ANO6: variants seen among roughly 807,000 people sequenced by gnomAD.
ANO6 encodes the protein anoctamin 6.
In ANO6, 106 loss-of-function variants were observed where a neutral mutation model predicts 117.5. The ratio of observed to expected loss-of-function variants is 0.90; its 90% CI spans 0.77 to 1.06. ANO6 has a LOEUF of 1.06. Among genes scored for constraint, ANO6 ranks in the 50% least tolerant of loss-of-function variants. The pLI, the probability that ANO6 is intolerant of heterozygous loss-of-function variation, is 0.00. For synonymous variants in ANO6, 367 were observed against 385.1 expected, an observed-to-expected ratio of 0.95 and a Z score of 0.55; for missense variants, 955 against 1,121.1, an observed-to-expected ratio of 0.85 and a Z score of 2.12.
intron 2 of ANO6, among the ~76,000 whole-genome samples, chr12:45,326,079 C>CATT (rs1365615816): frequency 4.6e-5 from 7 of 152,152 alleles, no homozygotes; most frequent in African/African-American, 1.7e-4. Flanking sequence ...ATTTAATACT[C>CATT]ATTATGCTCA....
chr12:45,369,085 T>C (rs1372107605), intron 9 of ANO6, among the ~76,000 whole-genome samples: 2 of 152,208 alleles, frequency 1.3e-5, no homozygotes, highest in African/African-American at 4.8e-5. Flanking sequence ...TTTGAGAAAT[T>C]GTTTCACTAC....
At chr12:45,411,449 A>G (rs1050347245) in intron 16 of ANO6, among the ~76,000 whole-genome samples, 2 of 152,208 alleles carry the variant, frequency 1.3e-5, no homozygotes, top group African/African-American at 4.8e-5. Context: ...TGTGTGGGCA[A>G]CAGGAGAGTG....
chr12:45,258,192 C>T (rs1348364490), intron 1 of ANO6, among the ~76,000 whole-genome samples: 1 of 152,192 alleles, frequency 6.6e-6, no homozygotes, highest in Non-Finnish European at 1.5e-5. Flanking sequence ...TTGTGAATTA[C>T]TAAGAATTAT....
At chr12:45,240,353 T>A (rs907945344) in intron 1 of ANO6, among the ~76,000 whole-genome samples, 1 of 28,246 alleles carries the variant, frequency 3.5e-5, no homozygotes, top group Non-Finnish European at 6.3e-5. Context: ...AACCCCTGAT[T>A]TTTTTTTTTT....
intron 17 of ANO6, among the ~76,000 whole-genome samples, 176 bp from the exon 18 acceptor site, chr12:45,420,895 C>T (rs572402433): frequency 1.1e-4 from 17 of 152,154 alleles, no homozygotes; most frequent in African/African-American, 3.4e-4. Context: ...CGTGGTGGCA[C>T]GTGCCTGTAA....
At chr12:45,335,748 T>C (rs1422166836) in intron 3 of ANO6, 1 of 152,016 alleles carries the variant, frequency 6.6e-6, no homozygotes, top group Non-Finnish European at 1.5e-5. Flanking sequence ...CTTGTACATT[T>C]TTATTAACTT....
intron 15 of ANO6, among the ~76,000 whole-genome samples, chr12:45,406,193 A>G (rs574135007): frequency 9.8e-4 from 149 of 152,352 alleles, no homozygotes; most frequent in Non-Finnish European, 1.7e-3. Flanking sequence ...TACCTGGCAT[A>G]TGACAGGGAC....
rs139516790 is a variant in ANO6 at position 45,427,483 on chromosome 12, ACCT to A, written c.2527-1618_2527-1616del. Among the ~76,000 whole-genome samples, 553 of 152,134 alleles carry A rather than the reference ACCT, an allele frequency of 3.6e-3. 4 individuals carry two copies. The highest frequency in any genetic ancestry group is 0.013 in the African/African-American group (519 of 41,494). On this transcript the variant is annotated intron_variant, in intron 19 of 19. Transcript: ENST00000320560. ...TGATATCTGTAGGGCTTGTTCCCTC[ACCT>A]CCTTAAAGTGTTTGCTCACTTAGGC...
At chr12:45,400,028 ACGTGGGAGGCAGTGCCATGGAGAGGTGAG>A (rs1942741845) in intron 12 of ANO6, among the ~76,000 whole-genome samples, 1 of 152,194 alleles carries the variant, frequency 6.6e-6, no homozygotes, top group Non-Finnish European at 1.5e-5. Flanking sequence ...TTCATAAACC[ACGTGGGAGGCAGTGCCATGGAGAGGTGAG>A]TGTGTCTTCA....
Position 45,302,093 on chromosome 12 carries a change from T to G in ANO6, c.150T>G (p.Phe50Leu), listed in dbSNP as rs749179712. Residue 50 changes from phenylalanine (F) to leucine (L), a missense_variant and splice_region_variant, in exon 2 of 20, where the codon TTT becomes TTG. By Grantham distance (22) the Phe-to-Leu change is conservative. Coordinates refer to ENST00000320560, the MANE Select transcript of ANO6 (RefSeq NM_001025356.3). Reference sequence around the variant, plus strand: ...AGCATGATTTTCGAACCCCGGAGTTTGTGAGTACTATTCCTTTATCTTAAA... The same window carrying G: ...AGCATGATTTTCGAACCCCGGAGTTGGTGAGTACTATTCCTTTATCTTAAA... ...ESQHDFRTPE[F>L]EEFNGKPDSL... 36 of 1,613,176 alleles carry G rather than the reference T, an allele frequency of 2.2e-5. No individual in the cohort carries two copies. Among genetic ancestry groups the G allele is most frequent in the Non-Finnish European group, 3.0e-5 (35 of 1,179,292 alleles).
chr12:45,313,387 T>C (rs552759020), intron 2 of ANO6: 2 of 152,170 alleles, frequency 1.3e-5, no homozygotes, highest in African/African-American at 4.8e-5. Context: ...CACTGGAGTG[T>C]TGTTCAGTGA....
chr12:45,395,063 G>T (rs955132457), intron 12 of ANO6, among the ~76,000 whole-genome samples: 8 of 152,112 alleles, frequency 5.3e-5, no homozygotes, highest in African/African-American at 1.4e-4. Context: ...CTGGTTTTTT[G>T]AAAAGATCAA....
intron 1 of ANO6, among the ~76,000 whole-genome samples, chr12:45,297,880 C>A (rs1939346149): frequency 6.6e-6 from 1 of 152,148 alleles, no homozygotes; most frequent in Non-Finnish European, 1.5e-5. Context: ...CTCCATAAAT[C>A]TGTCTAGTGT....
At chr12:45,369,654 T>C (rs1941773537) in intron 9 of ANO6, among the ~76,000 whole-genome samples, 1 of 152,170 alleles carries the variant, frequency 6.6e-6, no homozygotes, top group Non-Finnish European at 1.5e-5. Context: ...GAAAAAGCAC[T>C]TTTTCTGGCT....
intron 3 of ANO6, among the ~76,000 whole-genome samples, chr12:45,332,281 CCT>C (rs990497761): frequency 2.8e-5 from 4 of 141,580 alleles, no homozygotes; most frequent in Non-Finnish European, 4.6e-5. Context: ...GTGCTCTCTC[CCT>C]CTCTCTCTGT....
rs146442433 is a variant in ANO6 at position 45,290,842 on chromosome 12, T to A, written c.71-11172T>A. On this transcript the variant is annotated intron_variant, in intron 1 of 19. Coordinates refer to ENST00000320560, the MANE Select transcript of ANO6 (RefSeq NM_001025356.3). ...AGTTGTCCAAATACCAAAACAATTC[T>A]GAAAAAGAATAAAGTCAGAGGATTC... Among the ~76,000 whole-genome samples, 261 of 152,290 alleles carry A rather than the reference T, an allele frequency of 1.7e-3. 3 individuals carry two copies. Among genetic ancestry groups the A allele is most frequent in the Middle Eastern group, 0.014 (4 of 294 alleles).
chr12:45,218,497 C>T (rs183052446), intron 1 of ANO6, among the ~76,000 whole-genome samples: 3 of 149,056 alleles, frequency 2.0e-5, no homozygotes, highest in African/African-American at 5.0e-5. Flanking sequence ...GGGGCTCAAG[C>T]GATCCTCCCA....
Position 45,381,968 on chromosome 12 carries a change from C to T in ANO6, c.1165+3855C>T, listed in dbSNP as rs1942180151. ...TGAGTAAATGAGTGGCTATCACACT[C>T]CGATTTTAAAGATGAAGAAGATGAC... is the stretch of plus-strand genomic sequence containing the variant. On this transcript the variant is annotated intron_variant, in intron 10 of 19. Transcript: ENST00000320560. Among the ~76,000 whole-genome samples the T allele has an allele frequency of 2.6e-5, 4 of 151,794 alleles. No individual in the cohort carries two copies. In the South Asian group the frequency reaches 8.4e-4, roughly 32 times the overall value.
intron 19 of ANO6, among the ~76,000 whole-genome samples, chr12:45,424,441 A>AT (rs1943449551): frequency 1.4e-5 from 2 of 145,138 alleles, no homozygotes; most frequent in Non-Finnish European, 3.0e-5. Flanking sequence ...AGGTTCAGCC[A>AT]ATTCTCCTGC....
Sources: gnomAD v4.1 joint callset for allele counts (sites outside exome capture counted in the v4.1 genomes callset) on GRCh38, gnomAD v4.1.1 for gene constraint, MANE v1.5 for transcripts, NCBI Gene and HGNC (gene_info 2026-07-23, HGNC 2026-07-21) for gene names.